Variants in UGGT2 observed in about 807,000 individuals in gnomAD.
UGGT2 encodes UDP-glucose:glycoprotein glucosyltransferase 2.
A neutral mutation model predicts 192.1 loss-of-function variants in UGGT2; 180 were observed. The observed-to-expected ratio is 0.94, with a 90% CI of 0.83 to 1.06. The LOEUF (loss-of-function observed/expected upper bound fraction) is 1.06. UGGT2 is among the 50% of genes least tolerant of loss of function. The pLI, the probability that UGGT2 is intolerant of heterozygous loss-of-function variation, is 0.00. For missense variants in UGGT2, 1,849 were observed against 1,795.7 expected (o/e 1.03, Z -0.54); for synonymous variants, 580 against 591.0 (o/e 0.98, Z 0.27).
chr13:95,963,690 A>G (rs2050476618), intron 12 of UGGT2, among the ~76,000 whole-genome samples: 1 of 152,206 alleles, frequency 6.6e-6, no homozygotes, highest in Admixed American at 6.5e-5. Flanking sequence ...ATAAAGTTGC[A>G]GGATATAAAA....
At chr13:96,021,512 G>A (rs559973402) in intron 4 of UGGT2, among the ~76,000 whole-genome samples, 4 of 152,088 alleles carry the variant, frequency 2.6e-5, no homozygotes, top group South Asian at 4.2e-4. Flanking sequence ...TTCACTTTAC[G>A]AAAGTAGAAT....
At chr13:95,814,492 G>A (rs1168090453) in intron 38 of UGGT2, among the ~76,000 whole-genome samples, 1 of 152,168 alleles carries the variant, frequency 6.6e-6, no homozygotes, top group Non-Finnish European at 1.5e-5. Context: ...TTTCCTTTTG[G>A]AAGAGGAATG....
intron 2 of UGGT2, among the ~76,000 whole-genome samples, chr13:96,031,321 G>C (rs191377673): frequency 7.3e-5 from 11 of 151,592 alleles, no homozygotes; most frequent in African/African-American, 1.5e-4. Context: ...AATTTTTTTG[G>C]GGGGGGACAG....
intron 30 of UGGT2, among the ~76,000 whole-genome samples, chr13:95,866,485 T>A (rs1472456851): frequency 6.6e-6 from 1 of 152,208 alleles, no homozygotes; most frequent in Non-Finnish European, 1.5e-5. Flanking sequence ...CTCTTCCAGA[T>A]ACCGCTATAT....
intron 36 of UGGT2, among the ~76,000 whole-genome samples, chr13:95,845,059 T>C (rs955237065): frequency 1.3e-5 from 2 of 152,328 alleles, no homozygotes; most frequent in East Asian, 1.9e-4. Flanking sequence ...TGTATATATA[T>C]GGATATGTAT....
intron 2 of UGGT2, among the ~76,000 whole-genome samples, chr13:96,025,717 C>G (rs2052643984): frequency 6.6e-6 from 1 of 151,990 alleles, no homozygotes; most frequent in Non-Finnish European, 1.5e-5. Flanking sequence ...AAATTCCAGC[C>G]CCTTCACAGC....
At chr13:95,806,128 G>T (rs888229784) in intron 38 of UGGT2, among the ~76,000 whole-genome samples, 1 of 150,444 alleles carries the variant, frequency 6.6e-6, no homozygotes, top group Non-Finnish European at 1.5e-5. Flanking sequence ...ACAAATTTAT[G>T]GGATGCAATA....
chr13:95,803,505 C>T lies in UGGT2; in HGVS notation c.4529-1693G>A, dbSNP rs538394789. Among the ~76,000 whole-genome samples, 68 of 152,232 alleles carry T rather than the reference C, an allele frequency of 4.5e-4. 1 individual carries two copies. The highest frequency in any genetic ancestry group is 3.7e-4 in the Non-Finnish European group (25 of 68,012). ...GAACTCCCGACCTCAGGTGATCCAC[C>T]CGCCTTGGCCTCCCAAAGTGCTGGG... On this transcript the variant is annotated intron_variant, in intron 38 of 38. Coordinates refer to ENST00000376747, the MANE Select transcript of UGGT2 (RefSeq NM_020121.4).
chr13:96,006,743 C>G (rs898140644), intron 5 of UGGT2, among the ~76,000 whole-genome samples: 4 of 149,406 alleles, frequency 2.7e-5, no homozygotes, highest in South Asian at 2.1e-4. Flanking sequence ...ATCCAAAAAG[C>G]AAACAACAGC....
At position 96,046,715 on chromosome 13, in the gene UGGT2, C is replaced by G. The variant is rs2053321752; in HGVS notation, c.158+6440G>C. 2.0e-5 allele frequency among the ~76,000 whole-genome samples: 3 copies of G among 152,204 alleles called. No individual in the cohort carries two copies. In the South Asian group the frequency reaches 6.2e-4, roughly 32 times the overall value. The stretch of plus-strand genomic sequence containing the variant: ...GCAAGAGGTCGGGGAATTCCCTTTC[C>G]TAGCCAAGGGAAGCCGTGACAGATG... On this transcript the variant is annotated intron_variant, in intron 1 of 38. Transcript: ENST00000376747.
At position 95,890,852 on chromosome 13, in the gene UGGT2, A is replaced by G. The variant is rs45627340; in HGVS notation, c.2958+10T>C. ...AACAAAAACATTTAGTCTAATTTAT[A>G]TTATCTTACAACCAACAACTGTGCC... is the stretch of plus-strand genomic sequence containing the variant. On this transcript the variant is annotated intron_variant, in intron 25 of 38. Coordinates refer to ENST00000376747, the MANE Select transcript of UGGT2 (RefSeq NM_020121.4). 4.3e-3 allele frequency: 6,822 copies of G among 1,593,158 alleles called. 246 individuals are homozygous for G. The African/African-American group carries it at 0.082, about 19-fold the overall frequency.
chr13:96,047,169 T>A (rs1415080053), intron 1 of UGGT2, among the ~76,000 whole-genome samples: 1 of 152,166 alleles, frequency 6.6e-6, no homozygotes, highest in Non-Finnish European at 1.5e-5. Context: ...ACAGACTGCC[T>A]CCTCAAGTGG....
rs774576608 is a variant in UGGT2, at chr13:95,837,103, CTCTT to C, written c.4380_4383del (p.Arg1461ProfsTer17). ...ACACTCACCAGATCAATTGTTTTGG[CTCTT>C]TGTTTGGATTCATCATCACACCAGG... On this transcript the variant is annotated frameshift_variant, in exon 37 of 39. Coordinates refer to ENST00000376747, the MANE Select transcript of UGGT2 (RefSeq NM_020121.4). LOFTEE classifies it high-confidence loss of function. The C allele has an allele frequency of 6.2e-7, 1 of 1,613,224 alleles. No homozygotes were observed. Among genetic ancestry groups the C allele is most frequent in the Non-Finnish European group, 8.5e-7 (1 of 1,179,206 alleles).
intron 29 of UGGT2, among the ~76,000 whole-genome samples, chr13:95,868,971 G>C (rs1237785598): frequency 6.6e-6 from 1 of 151,680 alleles, no homozygotes; most frequent in African/African-American, 2.4e-5. Context: ...TGCCATGTTG[G>C]TGTGCTGCAC....
chr13:95,900,767 G>C (rs750862423), intron 22 of UGGT2, 40 bp downstream of exon 22: 1 of 1,586,572 alleles, frequency 6.3e-7, no homozygotes, highest in Non-Finnish European at 8.6e-7. Context: ...GTGCACTGCA[G>C]TGTCACTGAG....
intron 1 of UGGT2, 117 bp downstream of exon 1, chr13:96,053,038 G>T: frequency 7.6e-7 from 1 of 1,323,024 alleles, no homozygotes; most frequent in Admixed American, 3.5e-5. Flanking sequence ...GGGCCAGAGC[G>T]GGGGCGTCTG....
intron 17 of UGGT2, among the ~76,000 whole-genome samples, chr13:95,928,371 G>C (rs55822301): frequency 0.48 from 55,283 of 115,732 alleles, 10,400 homozygotes; most frequent in Non-Finnish European, 0.58. Flanking sequence ...GACGGCTGCC[G>C]GGCGGAGACG....
At position 95,802,261 on chromosome 13, in the gene UGGT2, A is replaced by C. The variant is rs181602452; in HGVS notation, c.4529-449T>G. Among the ~76,000 whole-genome samples the C allele has an allele frequency of 2.0e-5, 3 of 152,364 alleles. No homozygotes were observed. In the East Asian group the frequency reaches 5.8e-4, roughly 29 times the overall value. ...GAGGACACAGCACTCTGACATAGAC[A>C]TAAGTACTACATAAATGCAAGCACA... On this transcript the variant is annotated intron_variant, in intron 38 of 38. Coordinates refer to ENST00000376747, the MANE Select transcript of UGGT2 (RefSeq NM_020121.4).
At chr13:96,041,238 C>T (rs867758991) in intron 1 of UGGT2, among the ~76,000 whole-genome samples, 8 of 152,054 alleles carry the variant, frequency 5.3e-5, no homozygotes, top group Admixed American at 6.5e-5. Flanking sequence ...CTGGGGAACC[C>T]GAAGGTGTAT....
Sources: gnomAD v4.1 joint callset for allele counts (sites outside exome capture counted in the v4.1 genomes callset) on GRCh38, gnomAD v4.1.1 for gene constraint, MANE v1.5 for transcripts, NCBI Gene and HGNC (gene_info 2026-07-23, HGNC 2026-07-21) for gene names.